Variants in TMEM74 observed in about 807,000 individuals in gnomAD.
The protein encoded by TMEM74 is transmembrane protein 74.
Under a neutral mutation model 18.1 loss-of-function variants are expected in TMEM74, and 13 were observed. The observed-to-expected ratio is 0.72, with a 90% CI of 0.47 to 1.14. The LOEUF (loss-of-function observed/expected upper bound fraction) is 1.14, where lower values mean the gene tolerates loss of function less well. TMEM74 is among the 50% of genes most tolerant of loss of function. The pLI, the probability that TMEM74 is intolerant of heterozygous loss-of-function variation, is 0.00. For missense variants in TMEM74, 372 were observed against 375.9 expected (o/e 0.99, Z 0.09); for synonymous variants, 159 against 146.6 (o/e 1.08, Z -0.61).
intron 2 of TMEM74, chr8:108,626,788 A>T (rs1415052747): frequency 6.6e-6 from 1 of 152,042 alleles, no homozygotes; most frequent in African/African-American, 2.4e-5. Context: ...TATATATACA[A>T]CCTGCCCATT....
chr8:108,764,531 G>C (rs998718011), intron 1 of TMEM74, among the ~76,000 whole-genome samples: 3 of 152,110 alleles, frequency 2.0e-5, no homozygotes, highest in Non-Finnish European at 2.9e-5. Flanking sequence ...CTGAAATAGA[G>C]AGTGCTTTGA....
chr8:108,679,714 G>C (rs1025766678), intron 1 of TMEM74, among the ~76,000 whole-genome samples: 5 of 152,160 alleles, frequency 3.3e-5, no homozygotes, highest in Non-Finnish European at 7.4e-5. Flanking sequence ...TCACTCTGAT[G>C]GTAGTTTCTT....
At chr8:108,769,279 A>G (rs369525655) in intron 1 of TMEM74, among the ~76,000 whole-genome samples, 47 of 152,124 alleles carry the variant, frequency 3.1e-4, no homozygotes, top group African/African-American at 1.1e-3. Flanking sequence ...GTGAACCAAG[A>G]TTGCACTACT....
Position 108,783,073 on chromosome 8 carries a change from T to C in TMEM74, c.*1108A>G, listed in dbSNP as rs920844039. 6.6e-6 allele frequency among the ~76,000 whole-genome samples: 1 copy of C among 152,172 alleles called. No homozygotes were observed. Among genetic ancestry groups the C allele is most frequent in the Non-Finnish European group, 1.5e-5 (1 of 68,030 alleles). On this transcript the variant is annotated 3_prime_UTR_variant, in exon 2 of 2. Transcript: ENST00000297459. ...GTTCTGACGATGACTACAGTCCCCA[T>C]TAAATCAGTGTATTGAATCTCTCTT...
At chr8:108,714,946 T>C (rs1813508879) in intron 1 of TMEM74, among the ~76,000 whole-genome samples, 1 of 152,206 alleles carries the variant, frequency 6.6e-6, no homozygotes, top group African/African-American at 2.4e-5. Context: ...TTCCTTTACA[T>C]ATTGAAAAAT....
At chr8:108,770,266 C>G (rs1014037263) in intron 1 of TMEM74, among the ~76,000 whole-genome samples, 3 of 152,096 alleles carry the variant, frequency 2.0e-5, no homozygotes, top group Admixed American at 6.6e-5. Flanking sequence ...TTTTAAAAAA[C>G]TGGTATGGTT....
intron 1 of TMEM74, among the ~76,000 whole-genome samples, chr8:108,661,412 T>C (rs1444968416): frequency 7.2e-6 from 1 of 138,638 alleles, no homozygotes; most frequent in African/African-American, 2.6e-5. Context: ...CTATCTTTGC[T>C]GAGGTCATCT....
intron 2 of TMEM74, among the ~76,000 whole-genome samples, chr8:108,609,670 T>C (rs1037177643): frequency 2.6e-5 from 4 of 152,092 alleles, no homozygotes; most frequent in African/African-American, 9.7e-5. Flanking sequence ...ACATGATAGA[T>C]GTTTATGAAA....
At chr8:108,681,452 C>T (rs1813114516) in intron 1 of TMEM74, among the ~76,000 whole-genome samples, 1 of 152,196 alleles carries the variant, frequency 6.6e-6, no homozygotes, top group Non-Finnish European at 1.5e-5. Context: ...GCTGGGAAAA[C>T]TGGCTAGCCA....
At chr8:108,771,981 CAT>C (rs1379325394) in intron 1 of TMEM74, among the ~76,000 whole-genome samples, 1 of 151,886 alleles carries the variant, frequency 6.6e-6, no homozygotes, top group East Asian at 1.9e-4. Context: ...AAAAAAGAAA[CAT>C]AATTTCCATT....
chr8:108,762,022 C>T lies in TMEM74; in HGVS notation n.119+25454G>A, dbSNP rs146821726. On this transcript the variant is annotated intron_variant and non_coding_transcript_variant, in intron 1 of 3. Coordinates refer to the TMEM74 transcript ENST00000518838. ...CTGAGCTGATCAGAATTCAATCCAG[C>T]GAAGTTTAGAAATAATTTAATAGTG... is the stretch of plus-strand genomic sequence containing the variant. Among the ~76,000 whole-genome samples, 134 of 152,202 alleles carry T rather than the reference C, an allele frequency of 8.8e-4. 1 individual carries two copies. Among genetic ancestry groups the T allele is most frequent in the South Asian group, 6.2e-4 (3 of 4,822 alleles).
chr8:108,632,398 C>A (rs527992889), intron 2 of TMEM74, among the ~76,000 whole-genome samples: 1 of 152,016 alleles, frequency 6.6e-6, no homozygotes, highest in South Asian at 2.1e-4. Flanking sequence ...ATAATTTGTA[C>A]TCTATTTTCT....
chr8:108,624,682 G>A (rs35622776), intron 2 of TMEM74, among the ~76,000 whole-genome samples: 2,155 of 152,062 alleles, frequency 0.014, 35 homozygotes, highest in Non-Finnish European at 0.023. Flanking sequence ...TACTGAACAT[G>A]TAATTAATAG....
At chr8:108,673,458 C>T (rs953500537) in intron 1 of TMEM74, among the ~76,000 whole-genome samples, 1 of 152,134 alleles carries the variant, frequency 6.6e-6, no homozygotes, top group African/African-American at 2.4e-5. Flanking sequence ...ATTTTGAGCC[C>T]AGGCTCTAAC....
intron 1 of TMEM74, among the ~76,000 whole-genome samples, chr8:108,703,745 A>G (rs1287432798): frequency 6.6e-6 from 1 of 152,250 alleles, no homozygotes; most frequent in African/African-American, 2.4e-5. Flanking sequence ...GTCAATGGCA[A>G]GTAAACAGAG....
chr8:108,771,036 C>G (rs1271138536), intron 1 of TMEM74, among the ~76,000 whole-genome samples: 1 of 152,174 alleles, frequency 6.6e-6, no homozygotes, highest in Non-Finnish European at 1.5e-5. Flanking sequence ...TGATGGATAA[C>G]TGAGTTCTTC....
At chr8:108,745,720 G>T (rs1813842186) in intron 1 of TMEM74, among the ~76,000 whole-genome samples, 1 of 151,996 alleles carries the variant, frequency 6.6e-6, no homozygotes, top group Non-Finnish European at 1.5e-5. Flanking sequence ...CCCAATTTCT[G>T]CCTCCAAAGA....
At chr8:108,609,553 C>A (rs930313263) in intron 2 of TMEM74, among the ~76,000 whole-genome samples, 1 of 152,014 alleles carries the variant, frequency 6.6e-6, no homozygotes, top group African/African-American at 2.4e-5. Flanking sequence ...GAGGCTGAGG[C>A]ATGAGAATAG....
intron 1 of TMEM74, among the ~76,000 whole-genome samples, chr8:108,786,052 T>C (rs1814380907): frequency 6.6e-6 from 1 of 152,156 alleles, no homozygotes; most frequent in Admixed American, 6.5e-5. Flanking sequence ...TATCACACAA[T>C]GCACAAGAAA....
Sources: gnomAD v4.1 joint callset for allele counts (sites outside exome capture counted in the v4.1 genomes callset) on GRCh38, gnomAD v4.1.1 for gene constraint, MANE v1.5 for transcripts, NCBI Gene and HGNC (gene_info 2026-07-23, HGNC 2026-07-21) for gene names.